ADARB2: variants seen among roughly 807,000 people sequenced by gnomAD.
ADARB2 encodes adenosine deaminase RNA specific B2 (inactive).
Under a neutral mutation model 62.2 loss-of-function variants are expected in ADARB2, and 25 were observed. The observed-to-expected ratio is 0.40, with a 90% CI of 0.29 to 0.56. ADARB2 has a LOEUF of 0.56. Among genes scored for constraint, ADARB2 ranks in the 20% least tolerant of loss-of-function variants. The probability of loss-of-function intolerance (pLI) is 0.43; values close to 1 mark genes in which losing one functional copy is unlikely to be tolerated. For synonymous variants in ADARB2, 572 were observed against 500.8 expected (o/e 1.14, Z -1.90); for missense variants, 1,071 against 1,077.4 (o/e 0.99, Z 0.08).
chr10:1,314,352 T>A (rs1197502402), intron 3 of ADARB2, among the ~76,000 whole-genome samples: 1 of 152,050 alleles, frequency 6.6e-6, no homozygotes, highest in Non-Finnish European at 1.5e-5. Context: ...AGGAAGTCCC[T>A]TATGAGAAGC....
intron 1 of ADARB2, among the ~76,000 whole-genome samples, chr10:1,623,344 T>C (rs1564350087): frequency 6.6e-6 from 1 of 152,216 alleles, no homozygotes; most frequent in Non-Finnish European, 1.5e-5. Context: ...GCAAAGTCTA[T>C]TGAATGGAAG....
chr10:1,472,193 G>A (rs1191807436), intron 1 of ADARB2, among the ~76,000 whole-genome samples: 2 of 152,164 alleles, frequency 1.3e-5, no homozygotes, highest in Non-Finnish European at 2.9e-5. Flanking sequence ...TAAGCACAAT[G>A]GCCGTGTGTA....
intron 1 of ADARB2, among the ~76,000 whole-genome samples, chr10:1,735,693 C>T (rs927046730): frequency 6.6e-6 from 1 of 152,222 alleles, no homozygotes; most frequent in African/African-American, 2.4e-5. Flanking sequence ...GCACACTTAG[C>T]AGCTGAGAGG....
chr10:1,225,991 A>G (rs1193263823), intron 6 of ADARB2, among the ~76,000 whole-genome samples: 1 of 152,142 alleles, frequency 6.6e-6, no homozygotes, highest in Non-Finnish European at 1.5e-5. Flanking sequence ...CCTGGATAAT[A>G]TCCTGCAGAG....
chr10:1,639,922 C>T (rs1833960324), intron 1 of ADARB2, among the ~76,000 whole-genome samples: 1 of 152,084 alleles, frequency 6.6e-6, no homozygotes, highest in African/African-American at 2.4e-5. Context: ...CAGGCCAAGC[C>T]GCAAAGCCAT....
In ADARB2 at chr10:1,180,420, G is replaced by A. The variant is rs1036848942; in HGVS notation, c.*2773C>T. The A allele has an allele frequency of 2.6e-5, 4 of 152,096 alleles. No individual in the cohort carries two copies. Among genetic ancestry groups the A allele is most frequent in the African/African-American group, 4.8e-5 (2 of 41,270 alleles). The allele number at this position is 152,096 out of a possible 1,614,324, so 9.4% of individuals were successfully genotyped here. ...TGGGGCTGTGGGAATCCTGGGACCCGGGTCTTCCAGGCACACCTGGGGCTG... is the reference window on the plus strand; with the variant it reads ...TGGGGCTGTGGGAATCCTGGGACCCAGGTCTTCCAGGCACACCTGGGGCTG... On this transcript the variant is annotated 3_prime_UTR_variant, in exon 10 of 10. Transcript: ENST00000381312.
At chr10:1,519,153 C>T (rs1017367330) in intron 1 of ADARB2, among the ~76,000 whole-genome samples, 5 of 149,324 alleles carry the variant, frequency 3.3e-5, no homozygotes, top group African/African-American at 7.4e-5. Flanking sequence ...TATTGTCATA[C>T]GCATGCATTC....
At chr10:1,603,122 CACCTATACACACAT>C (rs1833446774) in intron 1 of ADARB2, among the ~76,000 whole-genome samples, 1 of 150,070 alleles carries the variant, frequency 6.7e-6, no homozygotes, top group Non-Finnish European at 1.5e-5. Context: ...TATACACACA[CACCTATACACACAT>C]AAACACACAC....
intron 1 of ADARB2, among the ~76,000 whole-genome samples, chr10:1,416,664 C>T (rs1331931328): frequency 1.8e-4 from 28 of 152,262 alleles, no homozygotes; most frequent in Non-Finnish European, 4.4e-5. Context: ...AGGTCCGTAC[C>T]ATGCACCTGG....
chr10:1,263,032 CA>C (rs1421964383), intron 4 of ADARB2, among the ~76,000 whole-genome samples: 1 of 146,822 alleles, frequency 6.8e-6, no homozygotes, highest in African/African-American at 2.5e-5. Flanking sequence ...ATCACAAGGA[CA>C]AAAAACCAAA....
intron 1 of ADARB2, among the ~76,000 whole-genome samples, chr10:1,566,063 CAAAA>C (rs376967105): frequency 3.9e-5 from 5 of 128,042 alleles, no homozygotes; most frequent in African/African-American, 1.5e-4. Context: ...CTCAGTCTAG[CAAAA>C]AAAAAAAAAA....
At chr10:1,348,452 C>T (rs1234938193) in intron 3 of ADARB2, among the ~76,000 whole-genome samples, 1 of 152,136 alleles carries the variant, frequency 6.6e-6, no homozygotes, top group Non-Finnish European at 1.5e-5. Flanking sequence ...TCTTGCCAGC[C>T]TGAGCAGTGC....
chr10:1,630,992 C>T (rs140271730), intron 1 of ADARB2, among the ~76,000 whole-genome samples: 3 of 125,804 alleles, frequency 2.4e-5, no homozygotes, highest in African/African-American at 8.8e-5. Context: ...AACAAACAAA[C>T]AAATAAATGA....
At chr10:1,612,334 C>T (rs1039404941) in intron 1 of ADARB2, among the ~76,000 whole-genome samples, 32 of 152,310 alleles carry the variant, frequency 2.1e-4, no homozygotes, top group African/African-American at 6.0e-4. Flanking sequence ...CGGCCATGGC[C>T]GCCCTCCCCA....
At chr10:1,502,578 C>A (rs1831779165) in intron 1 of ADARB2, among the ~76,000 whole-genome samples, 1 of 152,226 alleles carries the variant, frequency 6.6e-6, no homozygotes, top group Non-Finnish European at 1.5e-5. Context: ...AGTTAAGCTG[C>A]AATAAAGGAA....
chr10:1,371,900 A>G (rs1363096263), intron 2 of ADARB2, among the ~76,000 whole-genome samples: 2 of 152,080 alleles, frequency 1.3e-5, no homozygotes, highest in African/African-American at 4.8e-5. Flanking sequence ...AAAACGGTAC[A>G]GAGATTTCTT....
intron 1 of ADARB2, among the ~76,000 whole-genome samples, chr10:1,502,590 T>A (rs1049698169): frequency 6.6e-6 from 1 of 152,230 alleles, no homozygotes; most frequent in African/African-American, 2.4e-5. Flanking sequence ...ATAAAGGAAC[T>A]GTCACCCGCT....
rs56227070 is a variant in ADARB2, at chr10:1,533,119, CT to C, written c.101-153960del. ...TTACTGTCTCTAGTGTAAACATCACCTTTTTTTTTTTTTTTCTGAGATGGAG... is the reference window on the plus strand; with the variant it reads ...TTACTGTCTCTAGTGTAAACATCACCTTTTTTTTTTTTTTCTGAGATGGAG... On this transcript the variant is annotated intron_variant, in intron 1 of 9. Transcript: ENST00000381312. Among the ~76,000 whole-genome samples, 444 of 143,798 alleles carry C rather than the reference CT, an allele frequency of 3.1e-3. 1 individual carries two copies. Among genetic ancestry groups the C allele is most frequent in the African/African-American group, 9.5e-3 (366 of 38,650 alleles). 94.3% of individuals were successfully genotyped at this position (143,798 alleles called of 152,430 possible). A position where few individuals can be genotyped will look rare whatever the true frequency, so the allele number is the denominator to read the frequency against.
chr10:1,417,768 G>A (rs1832817406), intron 1 of ADARB2, among the ~76,000 whole-genome samples: 1 of 152,200 alleles, frequency 6.6e-6, no homozygotes, highest in African/African-American at 2.4e-5. Flanking sequence ...CCTGGGCTCT[G>A]CGTGCTTCTT....
Sources: gnomAD v4.1 joint callset for allele counts (sites outside exome capture counted in the v4.1 genomes callset) on GRCh38, gnomAD v4.1.1 for gene constraint, MANE v1.5 for transcripts, NCBI Gene and HGNC (gene_info 2026-07-23, HGNC 2026-07-21) for gene names.